The following C7 variants were observed in gnomAD, a reference collection of about 807,000 sequenced individuals.
The protein encoded by C7 is complement C7.
A neutral mutation model predicts 104.8 loss-of-function variants in C7; 83 were observed. The observed-to-expected ratio is 0.79, with a 90% CI of 0.66 to 0.95. The LOEUF (loss-of-function observed/expected upper bound fraction) is 0.95. Ranked by LOEUF, C7 falls within the 40% of genes least tolerant of loss-of-function variation. C7 has a pLI of 0.00. For synonymous variants in C7, 415 were observed against 360.6 expected, an observed-to-expected ratio of 1.15 and a Z score of -1.71; for missense variants, 1,070 against 1,011.2, an observed-to-expected ratio of 1.06 and a Z score of -0.79.
Position 40,962,108 on chromosome 5 carries a change from CT to C in C7, c.1688del (p.Leu563CysfsTer15). On this transcript the variant is annotated frameshift_variant, in exon 13 of 18. Transcript: ENST00000313164. LOFTEE classifies it high-confidence loss of function. ...AGGTTGCTTGAACCACATTGCTTTC[CT>C]TTGTCTTTGGTTCCAACAGAATTCT... ...HLRLLEPHCF[P>X]LSLVPTEFCP... 6.4e-7 allele frequency: 1 copy of C among 1,552,416 alleles called. No homozygotes were observed. Among genetic ancestry groups the C allele is most frequent in the South Asian group, 1.3e-5 (1 of 79,950 alleles).
At chr5:40,972,064 T>TA in intron 14 of C7, 1 of 478,412 alleles carries the variant, frequency 2.1e-6, no homozygotes, top group Non-Finnish European at 4.1e-6. Flanking sequence ...GGAACATCAC[T>TA]AGAGCACATA....
rs1172773220 is a variant in C7, at chr5:40,928,570, T to G, written c.7-10T>G. Reference sequence around the variant, plus strand: ...AGCTAAAATAATACTTTATTGTTTTTCTTCTCCAGGTGATAAGCTTATTCA... The same window carrying G: ...AGCTAAAATAATACTTTATTGTTTTGCTTCTCCAGGTGATAAGCTTATTCA... On this transcript the variant is annotated splice_polypyrimidine_tract_variant and intron_variant, in intron 1 of 17. Coordinates refer to ENST00000313164, the MANE Select transcript of C7 (RefSeq NM_000587.4). The G allele has an allele frequency of 6.8e-7, 1 of 1,471,682 alleles. No homozygotes were observed. The highest frequency in any genetic ancestry group is 9.2e-7 in the Non-Finnish European group (1 of 1,082,524). The allele number at this position is 1,471,682 out of a possible 1,614,324, so 91.2% of individuals were successfully genotyped here.
intron 1 of C7, among the ~76,000 whole-genome samples, chr5:40,912,981 G>A (rs534658614): frequency 1.3e-5 from 2 of 152,126 alleles, no homozygotes; most frequent in East Asian, 1.9e-4. Flanking sequence ...AGTCTCCAAT[G>A]TCTATTATTC....
intron 17 of C7, among the ~76,000 whole-genome samples, chr5:40,980,752 C>T (rs562983394): frequency 6.6e-6 from 1 of 152,292 alleles, no homozygotes; most frequent in Admixed American, 6.5e-5. Context: ...TGGCACCTGT[C>T]CCCTCACTCC....
intron 14 of C7, among the ~76,000 whole-genome samples, chr5:40,965,641 TATA>T (rs1386539746): frequency 2.6e-4 from 22 of 85,020 alleles, no homozygotes; most frequent in South Asian, 1.1e-3. Context: ...TATATATATA[TATA>T]TATATTTTTT....
At position 40,909,598 on chromosome 5, in the gene C7, T is replaced by C; in HGVS notation, c.-13T>C. On this transcript the variant is annotated 5_prime_UTR_variant, in exon 1 of 18. The change abolishes an upstream ATG in the 5' untranslated region. Coordinates refer to ENST00000313164, the MANE Select transcript of C7 (RefSeq NM_000587.4). ...TCTTCCTCCTCTCTTCTGCCCTGAA[T>C]GTTTTCCCAAACATGAAGGTAAGAC... 1 of 1,567,766 alleles carries C rather than the reference T, an allele frequency of 6.4e-7. No individual in the cohort carries two copies. Among genetic ancestry groups the C allele is most frequent in the Non-Finnish European group, 8.7e-7 (1 of 1,146,896 alleles).
chr5:40,913,905 T>A (rs1197546942), intron 1 of C7, among the ~76,000 whole-genome samples: 1 of 152,140 alleles, frequency 6.6e-6, no homozygotes, highest in Non-Finnish European at 1.5e-5. Flanking sequence ...GGTCTTGATC[T>A]CCTGACCTCA....
chr5:40,948,713 A>C (rs115356620), intron 8 of C7, among the ~76,000 whole-genome samples: 1 of 152,124 alleles, frequency 6.6e-6, no homozygotes, highest in African/African-American at 2.4e-5. Flanking sequence ...TAATGTTCCA[A>C]GTCAAACCTT....
At position 40,947,693 on chromosome 5, in the gene C7, G is replaced by A. The variant is rs1386759517; in HGVS notation, c.830G>A (p.Trp277Ter). 7.4e-6 allele frequency: 12 copies of A among 1,613,718 alleles called. No individual in the cohort carries two copies. Among genetic ancestry groups the A allele is most frequent in the Non-Finnish European group, 1.0e-5 (12 of 1,179,778 alleles). The change falls in exon 8 of 18, where the codon TGG becomes TAG. Residue 277 changes from tryptophan to a stop codon, truncating the protein, a stop_gained. Coordinates refer to ENST00000313164, the MANE Select transcript of C7 (RefSeq NM_000587.4). LOFTEE classifies it high-confidence loss of function. ...TTTTTACAACTTGCTGAGCCATTCT[G>A]GAAGGAGCTTTCCCACCTCCCCTCT... The part of the protein sequence containing the change: ...PEFLQLAEPF[W>*]KELSHLPSLY...
intron 11 of C7, among the ~76,000 whole-genome samples, 195 bp from the exon 12 acceptor site, chr5:40,959,254 T>G (rs1270149301): frequency 6.6e-6 from 1 of 152,240 alleles, no homozygotes; most frequent in East Asian, 1.9e-4. Flanking sequence ...GGTTCACTAA[T>G]GCAACCTTAA....
chr5:40,958,463 TAAC>T (rs2111664910), intron 11 of C7, among the ~76,000 whole-genome samples: 1 of 152,318 alleles, frequency 6.6e-6, no homozygotes, highest in South Asian at 2.1e-4. Flanking sequence ...CCATCTGAAG[TAAC>T]AGCCCCACTG....
At chr5:40,935,295 G>C (rs1739788977) in intron 4 of C7, among the ~76,000 whole-genome samples, 1 of 152,088 alleles carries the variant, frequency 6.6e-6, no homozygotes, top group Non-Finnish European at 1.5e-5. Context: ...TGTCTCTCTT[G>C]GTGAACTGTG....
In C7 at chr5:40,949,918, G is replaced by T. The variant is rs368388575; in HGVS notation, c.997G>T (p.Glu333Ter). Residue 333 changes from glutamate to a stop codon, truncating the protein, a stop_gained, in exon 9 of 18, where the codon GAA becomes TAA. Transcript: ENST00000313164. LOFTEE classifies it high-confidence loss of function. ...KLKQNDFNSV[E>*]EKKCKSSGWH... ...TTCTCCCCTAGATTTTAATTCAGTCGAAGAAAAGAAATGTAAATCCTCAGG... is the reference window on the plus strand; with the variant it reads ...TTCTCCCCTAGATTTTAATTCAGTCTAAGAAAAGAAATGTAAATCCTCAGG... 1 of 1,584,962 alleles carries T rather than the reference G, an allele frequency of 6.3e-7. No homozygotes were observed. The highest frequency in any genetic ancestry group is 8.6e-7 in the Non-Finnish European group (1 of 1,161,882).
At chr5:40,945,872 A>G (rs1292825100) in intron 7 of C7, among the ~76,000 whole-genome samples, 1 of 59,424 alleles carries the variant, frequency 1.7e-5, no homozygotes, top group Non-Finnish European at 3.1e-5. Context: ...TCAAAAAAAA[A>G]TACATATATA....
intron 6 of C7, 131 bp downstream of exon 6, chr5:40,937,821 G>T: frequency 1.3e-6 from 1 of 788,776 alleles, no homozygotes; most frequent in Non-Finnish European, 1.9e-6. Flanking sequence ...AATGTTTTAT[G>T]TTGACTTAAA....
chr5:40,942,085 G>A (rs189686464), intron 6 of C7, among the ~76,000 whole-genome samples: 3 of 152,292 alleles, frequency 2.0e-5, no homozygotes, highest in Non-Finnish European at 4.4e-5. Context: ...TTCACTGTCT[G>A]GTGAAATAAG....
chr5:40,943,000 GAC>G (rs1293633998), intron 6 of C7, among the ~76,000 whole-genome samples: 1 of 152,170 alleles, frequency 6.6e-6, no homozygotes, highest in Non-Finnish European at 1.5e-5. Flanking sequence ...CTGACCTTGT[GAC>G]CCGCCCACCT....
At position 40,936,439 on chromosome 5, in the gene C7, T is replaced by C. The variant is rs2271708; in HGVS notation, c.382T>C (p.Cys128Arg). 18,440 of 1,613,254 alleles carry C rather than the reference T, an allele frequency of 0.011. 468 individuals carry two copies. Among genetic ancestry groups the C allele is most frequent in the Admixed American group, 0.09 (5,362 of 59,876 alleles). Residue 128 changes from cysteine (C) to arginine (R), a missense_variant, in exon 5 of 18, where the codon TGT (cysteine) becomes CGT (arginine). Physicochemically the swap from Cys to Arg is radical, Grantham distance 180 (BLOSUM62 -3). Coordinates refer to ENST00000313164, the MANE Select transcript of C7 (RefSeq NM_000587.4). The stretch of plus-strand genomic sequence containing the variant: ...TGAGGACTCAGAAAGGAGACCTTCC[T>C]GTGATATCGATAAACCTCCTCCTAA... ...RCEDSERRPSCDIDKPPPNIE... is the reference protein window; with the variant it reads ...RCEDSERRPSRDIDKPPPNIE...
intron 9 of C7, among the ~76,000 whole-genome samples, chr5:40,954,322 A>T (rs1157876788): frequency 2.6e-5 from 4 of 152,144 alleles, no homozygotes; most frequent in Non-Finnish European, 5.9e-5. Context: ...TAATTTCACT[A>T]CATATATGTA....
Sources: gnomAD v4.1 joint callset for allele counts (sites outside exome capture counted in the v4.1 genomes callset) on GRCh38, gnomAD v4.1.1 for gene constraint, MANE v1.5 for transcripts, NCBI Gene and HGNC (gene_info 2026-07-23, HGNC 2026-07-21) for gene names.